Variants in WDR72 observed in about 807,000 individuals in gnomAD.
The protein encoded by WDR72 is WD repeat-containing protein 72.
A neutral mutation model predicts 124.2 loss-of-function variants in WDR72; 120 were observed. The observed-to-expected ratio is 0.97, with a 90% CI of 0.83 to 1.12. The LOEUF is 1.12. Ranked by LOEUF, WDR72 falls within the 50% of genes most tolerant of loss-of-function variation. WDR72 has a pLI of 0.00. For synonymous variants in WDR72, 452 were observed against 441.7 expected (o/e 1.02, Z -0.29); for missense variants, 1,387 against 1,278.8 (o/e 1.08, Z -1.29).
chr15:53,566,096 T>C (rs1342940201), intron 18 of WDR72, among the ~76,000 whole-genome samples: 2 of 151,998 alleles, frequency 1.3e-5, no homozygotes, highest in Non-Finnish European at 2.9e-5. Flanking sequence ...ACGTATTACA[T>C]GTCAGATTTT....
intron 18 of WDR72, among the ~76,000 whole-genome samples, chr15:53,537,442 T>A (rs1441780695): frequency 6.6e-6 from 1 of 152,202 alleles, no homozygotes; most frequent in African/African-American, 2.4e-5. Flanking sequence ...ACAAGTAGTT[T>A]ATTGATATGG....
chr15:53,705,859 G>C (rs1305302014), intron 10 of WDR72, 68 bp downstream of exon 10: 2 of 1,593,058 alleles, frequency 1.3e-6, no homozygotes, highest in Non-Finnish European at 1.7e-6. Context: ...GCTCAACTTA[G>C]AAGAACAATG....
intron 16 of WDR72, among the ~76,000 whole-genome samples, chr15:53,610,015 T>G (rs1658789467): frequency 6.6e-6 from 1 of 152,148 alleles, no homozygotes; most frequent in African/African-American, 2.4e-5. Flanking sequence ...AATTCTGAAA[T>G]TCTACTCTGC....
At chr15:53,740,131 A>G (rs182655345) in intron 1 of WDR72, among the ~76,000 whole-genome samples, 59 of 152,216 alleles carry the variant, frequency 3.9e-4, no homozygotes. Flanking sequence ...CCCAGTAACT[A>G]GTCACCTGTA....
chr15:53,737,904 C>T (rs1323862602), intron 1 of WDR72, among the ~76,000 whole-genome samples: 1 of 152,058 alleles, frequency 6.6e-6, no homozygotes, highest in African/African-American at 2.4e-5. Context: ...CCCTCCTGGA[C>T]CACAAAACAG....
At chr15:53,700,420 G>A (rs1256067098) in intron 12 of WDR72, among the ~76,000 whole-genome samples, 1 of 152,134 alleles carries the variant, frequency 6.6e-6, no homozygotes, top group East Asian at 1.9e-4. Flanking sequence ...ATCCAAACAG[G>A]AAACTCAGTG....
rs578026543 is a variant in WDR72, at chr15:53,587,440, C to T, written c.3148+9639G>A. Among the ~76,000 whole-genome samples, 20 of 152,054 alleles carry T rather than the reference C, an allele frequency of 1.3e-4. 1 individual carries two copies. The highest frequency in any genetic ancestry group is 1.2e-3 in the Admixed American group (18 of 15,250). On this transcript the variant is annotated intron_variant, in intron 18 of 19. Transcript: ENST00000360509. Reference sequence around the variant, plus strand: ...AGCAGTGGTCTTATGTATACCACAGCATATTATATAACAGTATGTTACTAT... The same window carrying T: ...AGCAGTGGTCTTATGTATACCACAGTATATTATATAACAGTATGTTACTAT...
chr15:53,623,332 T>C (rs533047498), intron 14 of WDR72, among the ~76,000 whole-genome samples: 2 of 152,242 alleles, frequency 1.3e-5, no homozygotes, highest in Admixed American at 6.5e-5. Flanking sequence ...TGAGTACTCA[T>C]TGTTTAGCTT....
chr15:53,573,179 G>A (rs188615056), intron 18 of WDR72, among the ~76,000 whole-genome samples: 86 of 152,256 alleles, frequency 5.6e-4, no homozygotes, highest in African/African-American at 1.9e-3. Context: ...TCTAAGCTAA[G>A]TATCTCATTT....
intron 1 of WDR72, among the ~76,000 whole-genome samples, chr15:53,740,089 TTC>T: frequency 6.6e-6 from 1 of 152,274 alleles, no homozygotes; most frequent in Admixed American, 6.5e-5. Context: ...GAAAATTAGC[TTC>T]TCTTACTTGA....
intron 14 of WDR72, among the ~76,000 whole-genome samples, chr15:53,630,801 G>A (rs764281575): frequency 1.4e-4 from 21 of 152,110 alleles, no homozygotes; most frequent in Non-Finnish European, 2.5e-4. Flanking sequence ...TCAGGAACAG[G>A]ACAAGTATGT....
chr15:53,693,179 T>C (rs2140507226), intron 13 of WDR72, among the ~76,000 whole-genome samples: 1 of 152,346 alleles, frequency 6.6e-6, no homozygotes, highest in Middle Eastern at 3.4e-3. Context: ...GAGAATGGTA[T>C]AGTTGGTCAC....
chr15:53,712,628 G>C (rs2017577692), intron 7 of WDR72, 144 bp downstream of exon 7: 3 of 873,008 alleles, frequency 3.4e-6, no homozygotes, highest in Non-Finnish European at 5.2e-6. Context: ...TGTTACGTCA[G>C]TCATAAAAGA....
chr15:53,525,199 G>A lies in WDR72; in HGVS notation c.3149-1877C>T, dbSNP rs192212024. Among the ~76,000 whole-genome samples, 8 of 152,182 alleles carry A rather than the reference G, an allele frequency of 5.3e-5. No individual in the cohort carries two copies. In the East Asian group the frequency reaches 1.6e-3, roughly 30 times the overall value. ...TTTTGTGAAATGTTTAAGTGGTATA[G>A]TTAAATGTATCAGTTTCATTCAGAA... On this transcript the variant is annotated intron_variant, in intron 18 of 19. Transcript: ENST00000360509.
intron 8 of WDR72, 100 bp from the exon 9 acceptor site, chr15:53,711,053 T>G: frequency 9.4e-7 from 1 of 1,059,568 alleles, no homozygotes; most frequent in Non-Finnish European, 1.4e-6. Context: ...ACCGTTCAAG[T>G]TTCTAAACTC....
intron 1 of WDR72, among the ~76,000 whole-genome samples, chr15:53,752,749 A>G (rs557552518): frequency 6.0e-4 from 91 of 152,200 alleles, no homozygotes; most frequent in Non-Finnish European, 1.1e-3. Context: ...TCAGTAACAC[A>G]TGTATCAATT....
At chr15:53,534,722 G>A (rs1212992059) in intron 18 of WDR72, among the ~76,000 whole-genome samples, 10 of 152,028 alleles carry the variant, frequency 6.6e-5, no homozygotes, top group South Asian at 6.2e-4. Context: ...GTACTCTCAC[G>A]TAAAGTACTC....
chr15:53,616,127 C>T lies in WDR72; in HGVS notation c.2079G>A (p.Leu693=). The change falls in exon 15 of 20, where the codon TTG becomes TTA. Residue 693 remains leucine, a synonymous_variant. Transcript: ENST00000360509. ...LFDLENLVEL[L]LPTPLSDVDS... ...CAACATCACTGAGTGGAGTTGGTAG[C>T]AAAAGTTCAACAAGGTTTTCCAGAT... 2 of 1,604,082 alleles carry T rather than the reference C, an allele frequency of 1.2e-6. No individual in the cohort carries two copies. The highest frequency in any genetic ancestry group is 8.5e-7 in the Non-Finnish European group (1 of 1,174,306).
At position 53,609,515 on chromosome 15, in the gene WDR72, G is replaced by A; in HGVS notation, c.2950C>T (p.Gln984Ter). Residue 984 changes from glutamine (Q) to a stop codon, truncating the protein, a stop_gained and splice_region_variant, in exon 17 of 20, where the codon CAG becomes TAG. Transcript: ENST00000360509. LOFTEE classifies it high-confidence loss of function. ...LISCWRDQSV[Q>*]VTEAIQAVLL... ...CATGAATGTGAATTATATCATACCTGCACAGACTGGTCTCTCCAACAGGAA... is the reference window on the plus strand; with the variant it reads ...CATGAATGTGAATTATATCATACCTACACAGACTGGTCTCTCCAACAGGAA... 6.2e-7 allele frequency: 1 copy of A among 1,612,708 alleles called. No homozygotes were observed.
Sources: gnomAD v4.1 joint callset for allele counts (sites outside exome capture counted in the v4.1 genomes callset) on GRCh38, gnomAD v4.1.1 for gene constraint, MANE v1.5 for transcripts, NCBI Gene and HGNC (gene_info 2026-07-23, HGNC 2026-07-21) for gene names.